The following CNN2 variants were observed in gnomAD, a reference collection of about 807,000 sequenced individuals.
The protein encoded by CNN2 is calponin 2.
A neutral mutation model predicts 31.0 loss-of-function variants in CNN2; 21 were observed. The ratio of observed to expected loss-of-function variants is 0.68; its 90% CI spans 0.48 to 0.98. The LOEUF is 0.98. Ranked by LOEUF, CNN2 falls within the 50% of genes least tolerant of loss-of-function variation. The probability of loss-of-function intolerance (pLI) is 0.00; values close to 1 mark genes in which losing one functional copy is unlikely to be tolerated. For missense variants in CNN2, 399 were observed against 427.3 expected (o/e 0.93, Z 0.58); for synonymous variants, 165 against 179.6 (o/e 0.92, Z 0.65).
Position 1,036,480 on chromosome 19 carries a change from A to T in CNN2, c.572A>T (p.Tyr191Phe), listed in dbSNP as rs772771092. ...MTAYGTRRHL[Y>F]DPKNHILPPM... is the part of the protein sequence containing the mutation. ...GCCTACGGCACGAGAAGGCATCTCT[A>T]TGACCCCAAGAACCATATCCTGCCC... is the stretch of plus-strand genomic sequence containing the variant. The change falls in exon 6 of 7, where the codon TAT (tyrosine) becomes TTT (phenylalanine). Residue 191 changes from tyrosine to phenylalanine, a missense_variant. Physicochemically the swap from Tyr to Phe is conservative, Grantham distance 22. Coordinates refer to ENST00000263097, the MANE Select transcript of CNN2 (RefSeq NM_004368.4). 6.2e-7 allele frequency: 1 copy of T among 1,612,982 alleles called. No individual in the cohort carries two copies. Among genetic ancestry groups the T allele is most frequent in the South Asian group, 1.1e-5 (1 of 91,062 alleles).
chr19:1,035,814 T>C (rs2039572979), intron 4 of CNN2, among the ~76,000 whole-genome samples: 1 of 152,130 alleles, frequency 6.6e-6, no homozygotes, highest in East Asian at 1.9e-4. Context: ...CCTAGCTACT[T>C]GGGAGGCTGA....
intron 1 of CNN2, among the ~76,000 whole-genome samples, chr19:1,028,583 G>A (rs570533437): frequency 6.6e-6 from 1 of 152,342 alleles, no homozygotes; most frequent in East Asian, 1.9e-4. Flanking sequence ...TTGCATCCCG[G>A]CTTGGGGGTC....
At chr19:1,032,946 T>C (rs1256491989) in intron 4 of CNN2, 1 of 397,598 alleles carries the variant, frequency 2.5e-6, no homozygotes, top group East Asian at 5.3e-5. Flanking sequence ...GCCTGGCTAA[T>C]TTTTGTATTT....
In CNN2 at chr19:1,037,855, G is replaced by A. The variant is rs1466845040; in HGVS notation, c.885G>A (p.Glu295=). ...CCGGCGACTGCCCGGACCCGGGGGA[G>A]GTCCCTGAATATCCCCCTTACTACC... is the stretch of plus-strand genomic sequence containing the variant. The part of the protein sequence containing the change: ...SGTGDCPDPG[E]VPEYPPYYQE... The change falls in exon 7 of 7, where the codon GAG becomes GAA. Residue 295 remains glutamate (E), a synonymous_variant. Transcript: ENST00000263097. 6.2e-7 allele frequency: 1 copy of A among 1,603,646 alleles called. No homozygotes were observed. The highest frequency in any genetic ancestry group is 8.5e-7 in the Non-Finnish European group (1 of 1,173,888).
rs543017483 is a variant in CNN2, at chr19:1,030,495, G to A, written c.64-576G>A. On this transcript the variant is annotated intron_variant, in intron 1 of 6. Transcript: ENST00000263097. ...CAAAAAATGAGCTGGGCCTGGTGGC[G>A]GGCGCCTGCAGTCCCAGCTACTCGG... Among the ~76,000 whole-genome samples, 4 of 152,202 alleles carry A rather than the reference G, an allele frequency of 2.6e-5. No individual in the cohort carries two copies. In the East Asian group the frequency reaches 5.8e-4, roughly 22 times the overall value.
rs781366267 is a variant in CNN2 at position 1,031,230 on chromosome 19, A to G, written c.185+38A>G. The G allele has an allele frequency of 3.3e-6, 5 of 1,498,164 alleles. No individual in the cohort carries two copies. In the East Asian group the frequency reaches 1.3e-4, roughly 39 times the overall value. The allele number at this position is 1,498,164 out of a possible 1,614,324, so 92.8% of individuals were successfully genotyped here. ...AGGGACACAGGCTGTCTCACACTTAACAAATCTTGGTTTTTCTCACTTTTT... is the reference window on the plus strand; with the variant it reads ...AGGGACACAGGCTGTCTCACACTTAGCAAATCTTGGTTTTTCTCACTTTTT... On this transcript the variant is annotated intron_variant, in intron 2 of 6. Transcript: ENST00000263097.
In CNN2 at chr19:1,037,985, T is replaced by G; in HGVS notation, c.*85T>G. 1 of 1,145,184 alleles carries G rather than the reference T, an allele frequency of 8.7e-7. No individual in the cohort carries two copies. The highest frequency in any genetic ancestry group is 3.0e-5 in the Admixed American group (1 of 33,660). The allele number at this position is 1,145,184 out of a possible 1,614,324, so 70.9% of individuals were successfully genotyped here. Reference sequence around the variant, plus strand: ...TGTTTTCATCTTTTTTTTTTTTTTCTTAACCCGTTCAGTGCTGCCAGTCAA... The same window carrying G: ...TGTTTTCATCTTTTTTTTTTTTTTCGTAACCCGTTCAGTGCTGCCAGTCAA... On this transcript the variant is annotated 3_prime_UTR_variant, in exon 7 of 7. Coordinates refer to ENST00000263097, the MANE Select transcript of CNN2 (RefSeq NM_004368.4).
rs1043324989 is a variant in CNN2 at position 1,032,405 on chromosome 19, C to T, written c.199C>T (p.Leu67=). 4 of 1,613,546 alleles carry T rather than the reference C, an allele frequency of 2.5e-6. No individual in the cohort carries two copies. The African/African-American group carries it at 5.3e-5, about 22-fold the overall frequency. The part of the protein sequence containing the change: ...GTILCTLMNK[L]QPGSVPKINR... Reference sequence around the variant, plus strand: ...TGTGCCCTCCAGACTCATGAACAAGCTACAGCCGGGCTCCGTCCCCAAGAT... The same window carrying T: ...TGTGCCCTCCAGACTCATGAACAAGTTACAGCCGGGCTCCGTCCCCAAGAT... The change falls in exon 3 of 7, where the codon CTA becomes TTA. Residue 67 remains leucine, a synonymous_variant. Coordinates refer to ENST00000263097, the MANE Select transcript of CNN2 (RefSeq NM_004368.4).
rs59436549 is a variant in CNN2, at chr19:1,032,234, C to CAAA, written c.186-143_186-141dup. On this transcript the variant is annotated intron_variant, in intron 2 of 6. Transcript: ENST00000263097. ...TGGGTGACAGAGCTAGACGCCGTCT[C>CAAA]AAAAAAAAAAAAAAAAAGAGTGGAA... Among the ~76,000 whole-genome samples the CAAA allele has an allele frequency of 4.0e-4, 39 of 96,668 alleles. 1 individual carries two copies. The highest frequency in any genetic ancestry group is 8.0e-4 in the African/African-American group (23 of 28,852). 63.4% of individuals were successfully genotyped at this position (96,668 alleles called of 152,430 possible).
At position 1,031,147 on chromosome 19, in the gene CNN2, G is replaced by T. The variant is rs147204270; in HGVS notation, c.140G>T (p.Gly47Val). ...WIEGLTGLSI[G>V]PDFQKGLKDG... ...GAGGGACTCACCGGCCTCTCCATCG[G>T]CCCCGACTTCCAGAAGGGCCTGAAG... The change falls in exon 2 of 7, where the codon GGC becomes GTC. Residue 47 changes from glycine to valine, a missense_variant. Transcript: ENST00000263097. The T allele has an allele frequency of 4.0e-5, 65 of 1,613,290 alleles. No individual in the cohort carries two copies. The highest frequency in any genetic ancestry group is 6.7e-5 in the Admixed American group (4 of 60,014).
At chr19:1,028,604 G>A (rs1051158874) in intron 1 of CNN2, among the ~76,000 whole-genome samples, 1 of 152,162 alleles carries the variant, frequency 6.6e-6, no homozygotes, top group African/African-American at 2.4e-5. Context: ...CGGACCCGCT[G>A]GGAACAGCTG....
intron 4 of CNN2, 121 bp from the exon 5 acceptor site, chr19:1,036,009 G>C: frequency 7.1e-7 from 1 of 1,412,426 alleles, no homozygotes. Context: ...TGCCTGTGGG[G>C]GCTCTGCGCG....
chr19:1,036,388 C>T (rs768441264), intron 5 of CNN2, 28 bp from the exon 6 acceptor site: 10 of 1,610,488 alleles, frequency 6.2e-6, no homozygotes, highest in Non-Finnish European at 8.5e-6. Context: ...TGGGTGCAGT[C>T]TGACCTCTCC....
chr19:1,034,203 C>T (rs565469993), intron 4 of CNN2, among the ~76,000 whole-genome samples: 1 of 8,070 alleles, frequency 1.2e-4, no homozygotes, highest in Admixed American at 1.1e-3. Flanking sequence ...AGACCGGGAG[C>T]GTGGGTGGGA....
chr19:1,033,540 G>T (rs533914992), intron 4 of CNN2, among the ~76,000 whole-genome samples: 3 of 152,254 alleles, frequency 2.0e-5, no homozygotes, highest in Non-Finnish European at 4.4e-5. Flanking sequence ...GCTCTGAACT[G>T]GGAGAAATGC....
rs1330817871 is a variant in CNN2, at chr19:1,036,219, G to A, written c.480G>A (p.Lys160=). The A allele has an allele frequency of 1.9e-6, 3 of 1,604,154 alleles. No homozygotes were observed. Among genetic ancestry groups the A allele is most frequent in the Non-Finnish European group, 2.6e-6 (3 of 1,175,076 alleles). ...GGAATTTCGACGATGCCACCATGAA[G>A]GCTGGCCAGTGCGTCATCGGGCTGC... The part of the protein sequence containing the change: ...QERNFDDATM[K]AGQCVIGLQM... Residue 160 remains lysine, a synonymous_variant, in exon 5 of 7, where the codon AAG becomes AAA. Coordinates refer to ENST00000263097, the MANE Select transcript of CNN2 (RefSeq NM_004368.4).
At chr19:1,037,547 C>T in intron 6 of CNN2, 78 bp from the exon 7 acceptor site, 2 of 1,545,694 alleles carry the variant, frequency 1.3e-6, no homozygotes, top group East Asian at 2.3e-5. Flanking sequence ...GCTGGGATTA[C>T]AGGCGTGAGC....
At chr19:1,032,760 C>A (rs775860607) in intron 4 of CNN2, 64 bp downstream of exon 4, 4 of 1,274,370 alleles carry the variant, frequency 3.1e-6, no homozygotes, top group Non-Finnish European at 4.4e-6. Flanking sequence ...GTAGCTGCTG[C>A]ATTCACTCGT....
intron 1 of CNN2, among the ~76,000 whole-genome samples, chr19:1,030,558 G>A (rs952565821): frequency 2.0e-5 from 3 of 152,074 alleles, no homozygotes; most frequent in African/African-American, 4.8e-5. Flanking sequence ...CCGGGGAGGC[G>A]GAGCTTGCAG....
Sources: allele counts gnomAD v4.1 joint callset (sites outside exome capture counted in the v4.1 genomes callset), GRCh38; gene constraint gnomAD v4.1.1; transcripts MANE v1.5; gene names NCBI Gene and HGNC (gene_info 2026-07-23, HGNC 2026-07-21).